MAS1: variants seen among roughly 807,000 people sequenced by gnomAD.
MAS1 encodes the protein MAS1 proto-oncogene, G protein-coupled receptor.
For synonymous variants in MAS1, 163 were observed against 164.2 expected (o/e 0.99, Z 0.05); for missense variants, 387 against 409.7 (o/e 0.94, Z 0.48).
chr6:159,907,752 T>A lies in MAS1; in HGVS notation c.797T>A (p.Leu266Gln). The A allele has an allele frequency of 6.2e-7, 1 of 1,613,838 alleles. No homozygotes were observed. The highest frequency in any genetic ancestry group is 8.5e-7 in the Non-Finnish European group (1 of 1,179,972). Residue 266 changes from leucine (L) to glutamine (Q), a missense_variant, in exon 3 of 3, where the codon CTG (leucine) becomes CAG (glutamine). Coordinates refer to ENST00000674077, the MANE Select transcript of MAS1 (RefSeq NM_002377.4). ...TTTGGGAACCTACACCACATTTCCC[T>A]GCTCTTCTCCACAATCAACAGTAGC... Reference protein sequence around the residue: ...STFGNLHHISLLFSTINSSAN... With the variant: ...STFGNLHHISQLFSTINSSAN...
At chr6:159,894,544 G>A (rs1228088762) in intron 1 of MAS1, among the ~76,000 whole-genome samples, 1 of 152,124 alleles carries the variant, frequency 6.6e-6, no homozygotes, top group East Asian at 1.9e-4. Context: ...GAGCCAGAGG[G>A]AAGAAATATG....
At position 159,913,853 on chromosome 6, in the gene MAS1, TA is replaced by T. The variant is rs1274578995; in HGVS notation, c.*5922del. The T allele has an allele frequency of 6.6e-6, 1 of 152,282 alleles. No individual in the cohort carries two copies. The highest frequency in any genetic ancestry group is 1.5e-5 in the Non-Finnish European group (1 of 68,050). The allele number at this position is 152,282 out of a possible 1,614,324, so 9.4% of individuals were successfully genotyped here. Reference sequence around the variant, plus strand: ...TTCTATGAAATTTTGGTCCTCATTTTAACAAGATTCCTTTTTAACAATCTTT... The same window carrying T: ...TTCTATGAAATTTTGGTCCTCATTTTACAAGATTCCTTTTTAACAATCTTT... On this transcript the variant is annotated 3_prime_UTR_variant, in exon 3 of 3. Transcript: ENST00000674077.
intron 1 of MAS1, among the ~76,000 whole-genome samples, chr6:159,898,964 G>A (rs1247546070): frequency 6.6e-6 from 1 of 152,168 alleles, no homozygotes; most frequent in Admixed American, 6.5e-5. Flanking sequence ...TGGAGCAAAG[G>A]CAGTTGGTAG....
intron 2 of MAS1, among the ~76,000 whole-genome samples, chr6:159,904,839 T>C (rs1268158503): frequency 1.3e-5 from 2 of 152,192 alleles, no homozygotes; most frequent in African/African-American, 4.8e-5. Flanking sequence ...CTTGCTGGCC[T>C]TTCTGCGGTT....
intron 1 of MAS1, among the ~76,000 whole-genome samples, chr6:159,898,668 T>TCTTCCTCCTCCCTC (rs1562310014): frequency 2.1e-5 from 1 of 48,470 alleles, no homozygotes; most frequent in Admixed American, 2.5e-4. Flanking sequence ...CCCTCCTCCT[T>TCTTCCTCCTCCCTC]CCTCTTCCTC....
chr6:159,894,927 T>C (rs930664151), intron 1 of MAS1, among the ~76,000 whole-genome samples: 1 of 152,174 alleles, frequency 6.6e-6, no homozygotes, highest in Admixed American at 6.5e-5. Context: ...TTGTGTTGTT[T>C]TGGTTATGGG....
intron 1 of MAS1, among the ~76,000 whole-genome samples, chr6:159,891,716 T>C (rs1385223337): frequency 6.6e-6 from 1 of 152,186 alleles, no homozygotes; most frequent in Non-Finnish European, 1.5e-5. Context: ...TTAAAAGGAA[T>C]CTCCTGCCCA....
intron 1 of MAS1, among the ~76,000 whole-genome samples, chr6:159,892,001 C>T (rs1479565204): frequency 6.6e-6 from 1 of 152,162 alleles, no homozygotes; most frequent in East Asian, 1.9e-4. Context: ...ACACTCCTCT[C>T]CATTGTGACA....
chr6:159,890,246 AAAC>A (rs1047826663), upstream of MAS1, among the ~76,000 whole-genome samples: 20 of 152,168 alleles, frequency 1.3e-4, no homozygotes, highest in African/African-American at 4.8e-4. Context: ...AAACCTAACC[AAAC>A]AACAACAACA....
chr6:159,889,992 C>T (rs1370463959), upstream of MAS1, among the ~76,000 whole-genome samples: 1 of 152,150 alleles, frequency 6.6e-6, no homozygotes, highest in East Asian at 1.9e-4. Context: ...CCTTCTTACC[C>T]CTTTTGATAT....
chr6:159,908,185 T>G lies in MAS1; in HGVS notation c.*252T>G. ...AGCATCTTACCATGAACCATAAAAATGACTTTTGCAGGAAGATTTACAGAT... is the reference window on the plus strand; with the variant it reads ...AGCATCTTACCATGAACCATAAAAAGGACTTTTGCAGGAAGATTTACAGAT... On this transcript the variant is annotated 3_prime_UTR_variant, in exon 3 of 3. Coordinates refer to ENST00000674077, the MANE Select transcript of MAS1 (RefSeq NM_002377.4). 2.9e-6 allele frequency: 1 copy of G among 346,012 alleles called. No individual in the cohort carries two copies. Among genetic ancestry groups the G allele is most frequent in the Non-Finnish European group, 5.2e-6 (1 of 192,726 alleles). 21.4% of individuals were successfully genotyped at this position (346,012 alleles called of 1,614,324 possible).
intron 2 of MAS1, 127 bp from the exon 3 acceptor site, chr6:159,906,793 G>A (rs777301395): frequency 1.2e-5 from 8 of 694,822 alleles, no homozygotes; most frequent in Admixed American, 3.1e-5. Context: ...AAAGATAACT[G>A]TAGAGTCTGT....
At chr6:159,889,047 C>T (rs1183071209), upstream of MAS1, among the ~76,000 whole-genome samples, 1 of 152,226 alleles carries the variant, frequency 6.6e-6, no homozygotes, top group African/African-American at 2.4e-5. Context: ...TTCCGCCACC[C>T]ACTCAAGCTG....
At chr6:159,901,002 A>C (rs911111049) in intron 2 of MAS1, among the ~76,000 whole-genome samples, 1 of 152,218 alleles carries the variant, frequency 6.6e-6, no homozygotes. Context: ...GGAGGCCAGA[A>C]GTCCAAGATC....
At chr6:159,893,223 C>A (rs1782720125) in intron 1 of MAS1, among the ~76,000 whole-genome samples, 1 of 152,224 alleles carries the variant, frequency 6.6e-6, no homozygotes, top group Admixed American at 6.5e-5. Context: ...CCTGAATAGG[C>A]AAGGATCATC....
chr6:159,904,176 G>A (rs1431484130), intron 2 of MAS1, among the ~76,000 whole-genome samples: 1 of 152,050 alleles, frequency 6.6e-6, no homozygotes, highest in Non-Finnish European at 1.5e-5. Context: ...ACTTTGAAAT[G>A]CCTCAAGGCC....
At chr6:159,903,311 C>G (rs1782845691) in intron 2 of MAS1, among the ~76,000 whole-genome samples, 2 of 152,144 alleles carry the variant, frequency 1.3e-5, no homozygotes. Flanking sequence ...TCGTACCCGC[C>G]TGGTAAACCC....
chr6:159,903,244 C>T (rs1782844176), intron 2 of MAS1, among the ~76,000 whole-genome samples: 1 of 152,150 alleles, frequency 6.6e-6, no homozygotes, highest in African/African-American at 2.4e-5. Context: ...GCTCCAGAGT[C>T]CATCATCGTA....
Position 159,907,136 on chromosome 6 carries a change from A to G in MAS1, c.181A>G (p.Met61Val). ...GILLWFLCFR[M>V]RRNPFTVYIT... is the part of the protein sequence containing the mutation. Reference sequence around the variant, plus strand: ...TCTCCTCTGGTTCCTGTGCTTCCGGATGAGAAGAAATCCCTTCACTGTCTA... The same window carrying G: ...TCTCCTCTGGTTCCTGTGCTTCCGGGTGAGAAGAAATCCCTTCACTGTCTA... Residue 61 changes from methionine to valine, a missense_variant, in exon 3 of 3, where the codon ATG becomes GTG. Physicochemically the swap from Met to Val is conservative, Grantham distance 21. Coordinates refer to ENST00000674077, the MANE Select transcript of MAS1 (RefSeq NM_002377.4). The G allele has an allele frequency of 6.2e-7, 1 of 1,614,194 alleles. No individual in the cohort carries two copies. The highest frequency in any genetic ancestry group is 2.2e-5 in the East Asian group (1 of 44,884).
Sources: gnomAD v4.1 joint callset for allele counts (sites outside exome capture counted in the v4.1 genomes callset) on GRCh38, gnomAD v4.1.1 for gene constraint, MANE v1.5 for transcripts, NCBI Gene and HGNC (gene_info 2026-07-23, HGNC 2026-07-21) for gene names.